TNFSF4: variants seen among roughly 807,000 people sequenced by gnomAD.
The protein encoded by TNFSF4 is tumor necrosis factor ligand superfamily member 4.
Under a neutral mutation model 7.3 loss-of-function variants are expected in TNFSF4, and 4 were observed. That is an observed-to-expected ratio of 0.55 (90% CI 0.27 to 1.25). TNFSF4 has a LOEUF of 1.25. Among genes scored for constraint, TNFSF4 ranks in the 50% most tolerant of loss-of-function variants. The pLI is 0.12. For missense variants in TNFSF4, 181 were observed against 208.8 expected (o/e 0.87, Z 0.82); for synonymous variants, 76 against 83.7 (o/e 0.91, Z 0.50).
the TNFSF4 span, among the ~76,000 whole-genome samples, chr1:173,394,947 C>T: frequency 0.63 from 91,832 of 145,604 alleles, 28,227 homozygotes; most frequent in African/African-American, 0.72. Flanking sequence ...GATAGATAGA[C>T]AGACAGACAG....
chr1:173,417,280 G>T, the TNFSF4 span, among the ~76,000 whole-genome samples: 1 of 152,192 alleles, frequency 6.6e-6, no homozygotes, highest in African/African-American at 2.4e-5. Flanking sequence ...TGGGATGTGG[G>T]AATAATGAAA....
chr1:173,287,562 A>G, the TNFSF4 span, among the ~76,000 whole-genome samples: 1 of 152,200 alleles, frequency 6.6e-6, no homozygotes, highest in Non-Finnish European at 1.5e-5. Context: ...CAGCAATTAT[A>G]CTACTGGGCA....
At chr1:173,336,804 G>C in the TNFSF4 span, among the ~76,000 whole-genome samples, 2 of 152,036 alleles carry the variant, frequency 1.3e-5, no homozygotes, top group African/African-American at 4.8e-5. Context: ...GAAATTTTTA[G>C]GGATACAGTG....
chr1:173,391,947 A>G, the TNFSF4 span, among the ~76,000 whole-genome samples: 106,939 of 152,142 alleles, frequency 0.7, 37,755 homozygotes, highest in African/African-American at 0.78. Context: ...TTTAAATTCC[A>G]TAAGTTACCC....
chr1:173,375,320 C>G, the TNFSF4 span, among the ~76,000 whole-genome samples: 3 of 152,140 alleles, frequency 2.0e-5, no homozygotes, highest in Non-Finnish European at 4.4e-5. Flanking sequence ...GAGGATGCTA[C>G]AACTGCAAGG....
At chr1:173,303,574 G>C in the TNFSF4 span, among the ~76,000 whole-genome samples, 15,381 of 151,870 alleles carry the variant, frequency 0.1, 912 homozygotes, top group Non-Finnish European at 0.13. Context: ...TAGTTTATGT[G>C]ATCCTTGATC....
At chr1:173,235,431 A>AC in the TNFSF4 span, among the ~76,000 whole-genome samples, 3 of 152,242 alleles carry the variant, frequency 2.0e-5, no homozygotes, top group Non-Finnish European at 4.4e-5. Context: ...AGGTGGGTCC[A>AC]CCCCATTGTC....
the TNFSF4 span, among the ~76,000 whole-genome samples, chr1:173,236,639 G>A: frequency 6.6e-6 from 1 of 151,984 alleles, no homozygotes; most frequent in Admixed American, 6.6e-5. Context: ...ATACACACTG[G>A]GCTATTATCT....
downstream of TNFSF4, among the ~76,000 whole-genome samples, chr1:173,179,438 C>A (rs1041667647): frequency 6.6e-6 from 1 of 152,206 alleles, no homozygotes; most frequent in Non-Finnish European, 1.5e-5. Context: ...GGGGACTATA[C>A]TTCTAGCTTG....
the TNFSF4 span, among the ~76,000 whole-genome samples, chr1:173,275,707 G>A: frequency 6.6e-6 from 1 of 152,202 alleles, no homozygotes; most frequent in Admixed American, 6.5e-5. Context: ...GAACCCCTGG[G>A]GGAAAAAAAG....
chr1:173,362,858 G>T, the TNFSF4 span: 1 of 459,464 alleles, frequency 2.2e-6, no homozygotes, highest in Admixed American at 2.5e-5. Context: ...CCACAGCATG[G>T]CTAAGACTTG....
chr1:173,192,486 C>T (rs1282479569), intron 1 of TNFSF4, among the ~76,000 whole-genome samples: 1 of 152,042 alleles, frequency 6.6e-6, no homozygotes, highest in East Asian at 1.9e-4. Flanking sequence ...ACTGAATGAC[C>T]TAACTATATG....
At chr1:173,202,070 T>TACACA (rs1553213098) in intron 1 of TNFSF4, among the ~76,000 whole-genome samples, 15 of 149,560 alleles carry the variant, frequency 1.0e-4, no homozygotes, top group African/African-American at 3.2e-4. Flanking sequence ...TATATATATA[T>TACACA]ACACACACAC....
chr1:173,345,120 T>C, the TNFSF4 span, among the ~76,000 whole-genome samples: 293 of 152,338 alleles, frequency 1.9e-3, 1 homozygote, highest in African/African-American at 6.7e-3. Flanking sequence ...CTCCAATTAA[T>C]GCAGAGGCCC....
the TNFSF4 span, among the ~76,000 whole-genome samples, chr1:173,369,356 C>G: frequency 2.0e-5 from 3 of 152,138 alleles, no homozygotes; most frequent in Non-Finnish European, 4.4e-5. Context: ...TTTCTTGGTC[C>G]TCTTTGTGGT....
chr1:173,255,615 G>T, the TNFSF4 span, among the ~76,000 whole-genome samples: 2 of 152,142 alleles, frequency 1.3e-5, no homozygotes, highest in African/African-American at 2.4e-5. Context: ...GTGGGTTTTT[G>T]TTTGTGAAAC....
chr1:173,395,037 T>TAGATAGATAGATA, the TNFSF4 span, among the ~76,000 whole-genome samples: 1 of 94,068 alleles, frequency 1.1e-5, no homozygotes, highest in East Asian at 3.4e-4. Flanking sequence ...GATAGATAGA[T>TAGATAGATAGATA]GATAGATAGA....
At chr1:173,357,405 T>G in the TNFSF4 span, among the ~76,000 whole-genome samples, 1 of 152,208 alleles carries the variant, frequency 6.6e-6, no homozygotes, top group African/African-American at 2.4e-5. Flanking sequence ...AGAATTTGCC[T>G]TCCTTGGCCT....
chr1:173,401,597 C>T, the TNFSF4 span, among the ~76,000 whole-genome samples: 24 of 152,178 alleles, frequency 1.6e-4, no homozygotes, highest in Non-Finnish European at 2.8e-4. Context: ...TGGTCTGAGA[C>T]TTACACCATC....
Sources: allele counts gnomAD v4.1 joint callset (sites outside exome capture counted in the v4.1 genomes callset), GRCh38; gene constraint gnomAD v4.1.1; transcripts MANE v1.5; gene names NCBI Gene and HGNC (gene_info 2026-07-23, HGNC 2026-07-21).